The following SPHKAP variants were observed in gnomAD, a reference collection of about 807,000 sequenced individuals.
SPHKAP encodes SPHK1 interactor, AKAP domain containing.
In SPHKAP, 67 loss-of-function variants were observed where a neutral mutation model predicts 137.5. The observed-to-expected ratio is 0.49, with a 90% CI of 0.40 to 0.60. The LOEUF (loss-of-function observed/expected upper bound fraction) is 0.60. SPHKAP is among the 20% of genes least tolerant of loss of function. The pLI is 0.00. For synonymous variants in SPHKAP, 813 were observed against 785.3 expected (o/e 1.04, Z -0.59); for missense variants, 2,097 against 2,069.3 (o/e 1.01, Z -0.26).
intron 3 of SPHKAP, among the ~76,000 whole-genome samples, chr2:228,044,311 T>G (rs541717858): frequency 6.6e-6 from 1 of 152,326 alleles, no homozygotes; most frequent in South Asian, 2.1e-4. Context: ...GAGGATTTAG[T>G]CCTAAAATAT....
chr2:228,151,411 T>G (rs1224518798), intron 1 of SPHKAP, among the ~76,000 whole-genome samples: 2 of 152,082 alleles, frequency 1.3e-5, no homozygotes, highest in Non-Finnish European at 2.9e-5. Flanking sequence ...CATGTGTCTT[T>G]ATAGCAGCAT....
chr2:228,028,145 T>A, intron 3 of SPHKAP: 1 of 764,538 alleles, frequency 1.3e-6, no homozygotes, highest in Non-Finnish European at 1.6e-6. Flanking sequence ...CAACAAAATC[T>A]TCAAGTTTAT....
intron 3 of SPHKAP, among the ~76,000 whole-genome samples, chr2:228,056,499 C>T (rs1696448315): frequency 6.6e-6 from 1 of 151,198 alleles, no homozygotes; most frequent in Non-Finnish European, 1.5e-5. Flanking sequence ...ACTGAGCTAG[C>T]AATACTCATT....
At chr2:228,084,051 A>G (rs1697458537) in intron 3 of SPHKAP, among the ~76,000 whole-genome samples, 1 of 152,060 alleles carries the variant, frequency 6.6e-6, no homozygotes, top group Admixed American at 6.5e-5. Flanking sequence ...ATACCTATGT[A>G]ACAAACCTGC....
chr2:228,105,874 A>G (rs1159317831), intron 3 of SPHKAP, among the ~76,000 whole-genome samples: 3 of 152,128 alleles, frequency 2.0e-5, no homozygotes, highest in Non-Finnish European at 2.9e-5. Context: ...TTTATAAATT[A>G]CCAAGTCTCG....
chr2:228,009,895 C>G (rs1694301198), intron 7 of SPHKAP, among the ~76,000 whole-genome samples: 1 of 152,156 alleles, frequency 6.6e-6, no homozygotes, highest in African/African-American at 2.4e-5. Flanking sequence ...TCTTCCAGTA[C>G]TATGCGAGCT....
intron 3 of SPHKAP, among the ~76,000 whole-genome samples, chr2:228,083,476 A>G (rs982613539): frequency 1.3e-5 from 2 of 152,150 alleles, no homozygotes; most frequent in Non-Finnish European, 2.9e-5. Flanking sequence ...TGGCCGCATA[A>G]ATATCTTCTT....
At chr2:228,083,778 T>C (rs922317219) in intron 3 of SPHKAP, among the ~76,000 whole-genome samples, 1 of 152,178 alleles carries the variant, frequency 6.6e-6, no homozygotes, top group Non-Finnish European at 1.5e-5. Context: ...TCATGTCCTT[T>C]GCTGGGACAT....
At chr2:228,078,693 GAGAAATA>G (rs1336127463) in intron 3 of SPHKAP, among the ~76,000 whole-genome samples, 1 of 152,112 alleles carries the variant, frequency 6.6e-6, no homozygotes, top group Non-Finnish European at 1.5e-5. Flanking sequence ...CCATGTAGCA[GAGAAATA>G]AGAAATAAGA....
intron 7 of SPHKAP, among the ~76,000 whole-genome samples, chr2:228,007,681 T>G (rs1694193493): frequency 6.6e-6 from 1 of 152,148 alleles, no homozygotes; most frequent in Admixed American, 6.6e-5. Context: ...CAATAGTAAT[T>G]AAAACAGGAT....
rs151060143 is a variant in SPHKAP, at chr2:228,146,575, C to T, written c.33-14490G>A. Among the ~76,000 whole-genome samples the T allele has an allele frequency of 5.7e-3, 871 of 152,304 alleles. 13 individuals carry two copies. Among genetic ancestry groups the T allele is most frequent in the African/African-American group, 0.02 (814 of 41,560 alleles). ...TTTCTGCTGCTTTTCCTCCTCCACC[C>T]TCAAATTAACACCATTGGCTGTTGT... On this transcript the variant is annotated intron_variant, in intron 1 of 11. Coordinates refer to ENST00000392056, the MANE Select transcript of SPHKAP (RefSeq NM_001142644.2).
intron 1 of SPHKAP, among the ~76,000 whole-genome samples, chr2:228,173,921 A>AT (rs1700660349): frequency 6.6e-6 from 1 of 152,236 alleles, no homozygotes; most frequent in Non-Finnish European, 1.5e-5. Context: ...GTTAAAAGGA[A>AT]TAAAAGGAGG....
intron 7 of SPHKAP, among the ~76,000 whole-genome samples, chr2:227,998,983 A>G (rs1485049576): frequency 6.6e-6 from 1 of 152,210 alleles, no homozygotes; most frequent in Non-Finnish European, 1.5e-5. Context: ...AGAAAGGTCT[A>G]TGTAATTTTC....
chr2:227,984,320 A>G (rs1294926370), intron 11 of SPHKAP, among the ~76,000 whole-genome samples: 1 of 144,922 alleles, frequency 6.9e-6, no homozygotes. Flanking sequence ...AAAAAAAAAG[A>G]AAGAAAGAAA....
At chr2:227,982,305 A>T (rs1209652238) in intron 11 of SPHKAP, 1 of 985,260 alleles carries the variant, frequency 1.0e-6, no homozygotes, top group African/African-American at 1.7e-5. Context: ...GTAAACTTTG[A>T]TGCAGGACCA....
chr2:228,004,658 A>G (rs1694057685), intron 7 of SPHKAP, among the ~76,000 whole-genome samples: 1 of 151,954 alleles, frequency 6.6e-6, no homozygotes, highest in African/African-American at 2.4e-5. Context: ...TAGGGTGTCA[A>G]TTTTAGGTCT....
rs141261727 is a variant in SPHKAP, at chr2:227,981,515, C to CA, written c.*201dup. On this transcript the variant is annotated 3_prime_UTR_variant, in exon 12 of 12. Transcript: ENST00000392056. ...ATCCAAGCTCTTTGGAACTCACCCA[C>CA]AAGTTGTATGAATTTGGACAGACCT... The CA allele has an allele frequency of 2.6e-3, 1,222 of 471,060 alleles. 19 individuals carry two copies. Among genetic ancestry groups the CA allele is most frequent in the African/African-American group, 0.022 (1,071 of 49,294 alleles). The allele number at this position is 471,060 out of a possible 1,614,324, so 29.2% of individuals were successfully genotyped here.
intron 1 of SPHKAP, among the ~76,000 whole-genome samples, chr2:228,161,308 C>T (rs1700265779): frequency 1.3e-5 from 2 of 152,188 alleles, no homozygotes; most frequent in South Asian, 2.1e-4. Flanking sequence ...ACAGGGTGAG[C>T]TCACATGAGA....
intron 2 of SPHKAP, among the ~76,000 whole-genome samples, chr2:228,121,893 G>A (rs1245279246): frequency 2.0e-5 from 3 of 152,096 alleles, no homozygotes; most frequent in Non-Finnish European, 4.4e-5. Flanking sequence ...AGAAGGGTGA[G>A]TCTGGCAGGA....
Sources: gnomAD v4.1 joint callset for allele counts (sites outside exome capture counted in the v4.1 genomes callset) on GRCh38, gnomAD v4.1.1 for gene constraint, MANE v1.5 for transcripts, NCBI Gene and HGNC (gene_info 2026-07-23, HGNC 2026-07-21) for gene names.